The following CTNNA2 variants were observed in gnomAD, a reference collection of about 807,000 sequenced individuals.
CTNNA2 encodes the protein catenin alpha 2.
CTNNA2 carries 42 observed loss-of-function variants against 101.0 expected under a neutral mutation model. That is an observed-to-expected ratio of 0.42 (90% CI 0.32 to 0.54). CTNNA2 has a LOEUF of 0.54. Among genes scored for constraint, CTNNA2 ranks in the 20% least tolerant of loss-of-function variants. CTNNA2 has a pLI of 0.14. For missense variants in CTNNA2, 871 were observed against 1,223.1 expected, an observed-to-expected ratio of 0.71 and a Z score of 4.29; for synonymous variants, 450 against 456.4, an observed-to-expected ratio of 0.99 and a Z score of 0.18.
At chr2:79,607,670 G>A (rs923763137) in intron 1 of CTNNA2, among the ~76,000 whole-genome samples, 8 of 152,022 alleles carry the variant, frequency 5.3e-5, no homozygotes, top group South Asian at 2.1e-4. Flanking sequence ...GTAAATATCC[G>A]TGTGCCAAAG....
chr2:80,036,255 G>C (rs1216852355), intron 7 of CTNNA2, among the ~76,000 whole-genome samples: 2 of 152,166 alleles, frequency 1.3e-5, no homozygotes, highest in Non-Finnish European at 2.9e-5. Context: ...CAGAGACAGA[G>C]AGAATGTGTG....
At chr2:79,452,468 G>A (rs538653603) in intron 4 of CTNNA2, among the ~76,000 whole-genome samples, 11 of 151,906 alleles carry the variant, frequency 7.2e-5, no homozygotes, top group South Asian at 4.2e-4. Flanking sequence ...TAACCGTGGC[G>A]CATAATTCAC....
At chr2:80,202,994 CAA>C (rs1707301501) in intron 7 of CTNNA2, among the ~76,000 whole-genome samples, 2 of 152,186 alleles carry the variant, frequency 1.3e-5, no homozygotes, top group African/African-American at 4.8e-5. Flanking sequence ...TGGCAGCAGA[CAA>C]AGAGAGCTTG....
At chr2:80,600,164 AAAAT>A (rs1161054588) in intron 15 of CTNNA2, among the ~76,000 whole-genome samples, 3 of 152,060 alleles carry the variant, frequency 2.0e-5, no homozygotes, top group Admixed American at 2.0e-4. Context: ...ACTGGTTGGA[AAAAT>A]AAAGAGTGTG....
chr2:80,154,661 C>T (rs1703905247), intron 7 of CTNNA2, among the ~76,000 whole-genome samples: 1 of 152,132 alleles, frequency 6.6e-6, no homozygotes, highest in South Asian at 2.1e-4. Context: ...TAATCCCCAT[C>T]CCAGTGGCTT....
chr2:79,680,497 G>A (rs770240717), intron 2 of CTNNA2, among the ~76,000 whole-genome samples: 1 of 152,130 alleles, frequency 6.6e-6, no homozygotes, highest in African/African-American at 2.4e-5. Flanking sequence ...AACATTGAGT[G>A]TATATGTAAA....
At chr2:80,066,345 C>T (rs1484770893) in intron 7 of CTNNA2, among the ~76,000 whole-genome samples, 3 of 151,582 alleles carry the variant, frequency 2.0e-5, no homozygotes, top group Non-Finnish European at 2.9e-5. Context: ...AGGTTAATAC[C>T]TAAAATATAA....
At chr2:80,605,563 T>G (rs1697929127) in intron 16 of CTNNA2, 1 of 151,858 alleles carries the variant, frequency 6.6e-6, no homozygotes, top group African/African-American at 2.4e-5. Flanking sequence ...TTTTCCTCCC[T>G]CATTCCTATA....
intron 2 of CTNNA2, among the ~76,000 whole-genome samples, chr2:79,738,485 A>T (rs13000685): frequency 0.22 from 32,764 of 152,154 alleles, 3,755 homozygotes; most frequent in Middle Eastern, 0.27. Flanking sequence ...TAAAGGGGTG[A>T]TGGTAGTAGC....
At chr2:79,839,449 T>C (rs1679633964) in intron 3 of CTNNA2, among the ~76,000 whole-genome samples, 1 of 152,066 alleles carries the variant, frequency 6.6e-6, no homozygotes, top group South Asian at 2.1e-4. Context: ...AATAAGAGAA[T>C]TTATTTTATA....
intron 7 of CTNNA2, among the ~76,000 whole-genome samples, chr2:80,095,535 A>G (rs1700090603): frequency 6.6e-6 from 1 of 152,080 alleles, no homozygotes; most frequent in African/African-American, 2.4e-5. Context: ...GTTAGGGAGG[A>G]TTCCCTCTTT....
At chr2:79,753,893 G>A (rs1672218297) in intron 3 of CTNNA2, among the ~76,000 whole-genome samples, 1 of 140,470 alleles carries the variant, frequency 7.1e-6, no homozygotes, top group African/African-American at 2.8e-5. Context: ...TTTTGAGATG[G>A]AGTCTTGCTC....
intron 6 of CTNNA2, among the ~76,000 whole-genome samples, chr2:79,890,806 C>G (rs555055086): frequency 1.3e-3 from 189 of 142,448 alleles, no homozygotes; most frequent in African/African-American, 4.8e-3. Flanking sequence ...TTTTGGAGGC[C>G]AGGGAGTTCA....
intron 1 of CTNNA2, among the ~76,000 whole-genome samples, chr2:79,601,358 C>T (rs1253963107): frequency 6.6e-6 from 1 of 152,122 alleles, no homozygotes; most frequent in African/African-American, 2.4e-5. Flanking sequence ...AAGCCATGTC[C>T]TTTAGGAGAG....
intron 4 of CTNNA2, among the ~76,000 whole-genome samples, chr2:79,859,395 G>A (rs1361331014): frequency 6.6e-6 from 1 of 152,210 alleles, no homozygotes; most frequent in South Asian, 2.1e-4. Flanking sequence ...ACTATTCTCT[G>A]TCAAAAAACC....
chr2:80,252,919 T>C (rs1265737343), intron 7 of CTNNA2, among the ~76,000 whole-genome samples: 1 of 152,056 alleles, frequency 6.6e-6, no homozygotes, highest in Non-Finnish European at 1.5e-5. Flanking sequence ...ATTTATCAGG[T>C]TCTTGGGAAG....
intron 2 of CTNNA2, among the ~76,000 whole-genome samples, chr2:79,706,287 C>T (rs1333519144): frequency 7.0e-6 from 1 of 143,722 alleles, no homozygotes; most frequent in East Asian, 2.1e-4. Context: ...GGCGTGAACC[C>T]GGGAGGCGGA....
At chr2:80,034,282 A>G (rs1378821109) in intron 7 of CTNNA2, among the ~76,000 whole-genome samples, 1 of 151,932 alleles carries the variant, frequency 6.6e-6, no homozygotes, top group Non-Finnish European at 1.5e-5. Flanking sequence ...AAGAATATAA[A>G]CAAATAATCA....
intron 4 of CTNNA2, among the ~76,000 whole-genome samples, chr2:79,410,256 A>C (rs1165385387): frequency 6.9e-6 from 1 of 145,172 alleles, no homozygotes; most frequent in Admixed American, 7.0e-5. Context: ...AACAGGGACA[A>C]TTTGACTTCC....
Sources: allele counts gnomAD v4.1 joint callset (sites outside exome capture counted in the v4.1 genomes callset), GRCh38; gene constraint gnomAD v4.1.1; transcripts MANE v1.5; gene names NCBI Gene and HGNC (gene_info 2026-07-23, HGNC 2026-07-21).